The following HS6ST3 variants were observed in gnomAD, a reference collection of about 807,000 sequenced individuals.
HS6ST3 encodes the protein heparan sulfate 6-O-sulfotransferase 3.
A neutral mutation model predicts 36.7 loss-of-function variants in HS6ST3; 12 were observed. That is an observed-to-expected ratio of 0.33 (90% CI 0.21 to 0.53). The LOEUF (loss-of-function observed/expected upper bound fraction) is 0.53, where lower values mean the gene tolerates loss of function less well. HS6ST3 is among the 20% of genes least tolerant of loss of function. The pLI is 0.95. For missense variants in HS6ST3, 584 were observed against 640.9 expected (o/e 0.91, Z 0.96); for synonymous variants, 240 against 257.5 (o/e 0.93, Z 0.65).
intron 1 of HS6ST3, among the ~76,000 whole-genome samples, chr13:96,108,952 CCTATCTCTATCTCTATCT>C (rs145081903): frequency 2.0e-5 from 3 of 147,818 alleles, no homozygotes; most frequent in Admixed American, 6.8e-5. Context: ...GACAACCACT[CCTATCTCTATCTCTATCT>C]CTATCTCTAT....
At chr13:96,462,718 T>A (rs2055791059) in intron 1 of HS6ST3, among the ~76,000 whole-genome samples, 1 of 152,186 alleles carries the variant, frequency 6.6e-6, no homozygotes. Flanking sequence ...GATTTATAAA[T>A]ATATTGCTAG....
At chr13:96,400,721 T>C (rs2055446804) in intron 1 of HS6ST3, among the ~76,000 whole-genome samples, 1 of 152,148 alleles carries the variant, frequency 6.6e-6, no homozygotes, top group South Asian at 2.1e-4. Flanking sequence ...CAGGGCTTTG[T>C]GGTTTGGGAA....
chr13:96,799,582 G>A (rs1246586652), intron 1 of HS6ST3, among the ~76,000 whole-genome samples: 2 of 148,612 alleles, frequency 1.3e-5, no homozygotes, highest in Non-Finnish European at 3.0e-5. Context: ...ATTGAACAAT[G>A]AGAACACATG....
chr13:96,460,459 T>C (rs962137170), intron 1 of HS6ST3, among the ~76,000 whole-genome samples: 5 of 152,222 alleles, frequency 3.3e-5, no homozygotes, highest in Non-Finnish European at 5.9e-5. Context: ...TCTGTAAGAT[T>C]CAGTAATGTT....
intron 1 of HS6ST3, among the ~76,000 whole-genome samples, chr13:96,465,546 A>G (rs2055808182): frequency 6.6e-6 from 1 of 152,178 alleles, no homozygotes. Context: ...CTTTAAATAC[A>G]TTACTTAAGG....
chr13:96,429,411 C>A (rs912344532), intron 1 of HS6ST3, among the ~76,000 whole-genome samples: 3 of 152,142 alleles, frequency 2.0e-5, no homozygotes, highest in Admixed American at 2.0e-4. Flanking sequence ...ACTTAGCCCT[C>A]GTGAAAACAC....
Position 96,632,379 on chromosome 13 carries a change from G to A in HS6ST3, c.708-200111G>A, listed in dbSNP as rs987668557. Reference sequence around the variant, plus strand: ...ACCCATTCTAGGGCATTTTGTTACAGCAGCAGGAACTGACTAACACAGGAC... The same window carrying A: ...ACCCATTCTAGGGCATTTTGTTACAACAGCAGGAACTGACTAACACAGGAC... On this transcript the variant is annotated intron_variant, in intron 1 of 1. Coordinates refer to ENST00000376705, the MANE Select transcript of HS6ST3 (RefSeq NM_153456.4). Among the ~76,000 whole-genome samples the A allele has an allele frequency of 3.3e-5, 5 of 151,798 alleles. No homozygotes were observed. In the East Asian group the frequency reaches 9.7e-4, roughly 29 times the overall value.
chr13:96,587,313 T>A (rs1377514476), intron 1 of HS6ST3, among the ~76,000 whole-genome samples: 1 of 149,474 alleles, frequency 6.7e-6, no homozygotes, highest in African/African-American at 2.5e-5. Flanking sequence ...AATTTTAGGA[T>A]TTTTTTTTTC....
Position 96,587,473 on chromosome 13 carries a change from G to A in HS6ST3, c.708-245017G>A, listed in dbSNP as rs552801436. The stretch of plus-strand genomic sequence containing the variant: ...AAGAAAATAGGTTTCTTTACCTCAT[G>A]CTTCTGCAGACAGGGAAGTTCAAGG... On this transcript the variant is annotated intron_variant, in intron 1 of 1. Coordinates refer to ENST00000376705, the MANE Select transcript of HS6ST3 (RefSeq NM_153456.4). Among the ~76,000 whole-genome samples the A allele has an allele frequency of 8.5e-5, 13 of 152,298 alleles. No individual in the cohort carries two copies. In the East Asian group the frequency reaches 2.3e-3, roughly 27 times the overall value.
chr13:96,573,803 G>GGAGA (rs2056309980), intron 1 of HS6ST3: 1 of 380,598 alleles, frequency 2.6e-6, no homozygotes, highest in African/African-American at 2.1e-5. Flanking sequence ...GCAGCAGATA[G>GGAGA]GAGAGTGTGT....
At chr13:96,371,583 C>T (rs1014106606) in intron 1 of HS6ST3, among the ~76,000 whole-genome samples, 1 of 152,122 alleles carries the variant, frequency 6.6e-6, no homozygotes, top group South Asian at 2.1e-4. Context: ...CACCTTTTAG[C>T]TGCAAGTAAG....
intron 1 of HS6ST3, among the ~76,000 whole-genome samples, chr13:96,292,845 G>T (rs2054836854): frequency 6.6e-6 from 1 of 152,040 alleles, no homozygotes; most frequent in Admixed American, 6.6e-5. Flanking sequence ...ACATTTTACA[G>T]TGAAAATTCT....
chr13:96,226,840 T>C (rs1223616274), intron 1 of HS6ST3, among the ~76,000 whole-genome samples: 1 of 152,198 alleles, frequency 6.6e-6, no homozygotes, highest in East Asian at 1.9e-4. Flanking sequence ...TTTTGTCAAG[T>C]ACAAGGCAAA....
chr13:96,569,629 TC>T (rs2138961067), intron 1 of HS6ST3, among the ~76,000 whole-genome samples: 1 of 152,320 alleles, frequency 6.6e-6, no homozygotes, highest in Non-Finnish European at 1.5e-5. Flanking sequence ...TCTTTTTTTT[TC>T]ATAACACCCA....
intron 1 of HS6ST3, among the ~76,000 whole-genome samples, chr13:96,385,106 G>A (rs1459430216): frequency 1.3e-5 from 2 of 150,086 alleles, no homozygotes. Flanking sequence ...TTGAACCCAG[G>A]AGGCAGAGGT....
intron 1 of HS6ST3, among the ~76,000 whole-genome samples, chr13:96,207,403 T>C (rs904847965): frequency 2.0e-5 from 3 of 152,060 alleles, no homozygotes; most frequent in African/African-American, 7.2e-5. Context: ...AGTTCAACCA[T>C]TGTGGAAGAC....
At chr13:96,454,181 C>G (rs1248411356) in intron 1 of HS6ST3, among the ~76,000 whole-genome samples, 1 of 151,902 alleles carries the variant, frequency 6.6e-6, no homozygotes, top group Non-Finnish European at 1.5e-5. Context: ...TTTCATGGAG[C>G]CTGTGGATTA....
rs11423735 is a variant in HS6ST3, at chr13:96,765,060, CTTT to C, written c.708-67408_708-67406del. Among the ~76,000 whole-genome samples, 390 of 93,926 alleles carry C rather than the reference CTTT, an allele frequency of 4.2e-3. 3 individuals are homozygous for C. The highest frequency in any genetic ancestry group is 0.015 in the African/African-American group (339 of 23,234). The allele number at this position is 93,926 out of a possible 152,430, so 61.6% of individuals were successfully genotyped here. ...GCCATATTTCTTTCTTTGTTTCTTT[CTTT>C]TTTTTTTTTTTTTTTTTTTTTGAGA... On this transcript the variant is annotated intron_variant, in intron 1 of 1. Transcript: ENST00000376705.
intron 1 of HS6ST3, among the ~76,000 whole-genome samples, chr13:96,359,077 G>A (rs2055224524): frequency 6.6e-6 from 1 of 152,116 alleles, no homozygotes; most frequent in Non-Finnish European, 1.5e-5. Context: ...TCTTTCCAGT[G>A]GATGCTTTAG....
Sources: allele counts gnomAD v4.1 joint callset (sites outside exome capture counted in the v4.1 genomes callset), GRCh38; gene constraint gnomAD v4.1.1; transcripts MANE v1.5; gene names NCBI Gene and HGNC (gene_info 2026-07-23, HGNC 2026-07-21).